Variants in PREX2 observed in about 807,000 individuals in gnomAD.
PREX2 encodes phosphatidylinositol-3,4,5-trisphosphate dependent Rac exchange factor 2.
A neutral mutation model predicts 203.2 loss-of-function variants in PREX2; 107 were observed. The ratio of observed to expected loss-of-function variants is 0.53; its 90% CI spans 0.45 to 0.62. The LOEUF (loss-of-function observed/expected upper bound fraction) is 0.62, where lower values mean the gene tolerates loss of function less well. PREX2 is among the 20% of genes least tolerant of loss of function. The probability of loss-of-function intolerance (pLI) is 0.00; values close to 1 mark genes in which losing one functional copy is unlikely to be tolerated. For missense variants in PREX2, 1,777 were observed against 1,955.9 expected, an observed-to-expected ratio of 0.91 and a Z score of 1.72; for synonymous variants, 672 against 663.6, an observed-to-expected ratio of 1.01 and a Z score of -0.19.
Position 68,121,031 on chromosome 8 carries a change from A to G in PREX2, c.3706A>G (p.Ile1236Val), listed in dbSNP as rs1266619068. The G allele has an allele frequency of 1.2e-6, 2 of 1,613,204 alleles. No individual in the cohort carries two copies. The highest frequency in any genetic ancestry group is 1.7e-6 in the Non-Finnish European group (2 of 1,179,630). Residue 1236 changes from isoleucine to valine, a missense_variant, in exon 30 of 40, where the codon ATC becomes GTC. Coordinates refer to ENST00000288368, the MANE Select transcript of PREX2 (RefSeq NM_024870.4). ...CAGCGTCCGGACTCTTGCTCAGAAC[A>G]TCAGGAAATTTGTTGAAGGTCAGCA... is the stretch of plus-strand genomic sequence containing the variant. ...PSSVRTLAQN[I>V]RKFVEEVKCR...
At chr8:67,999,937 CAAT>C (rs1806889975) in intron 1 of PREX2, among the ~76,000 whole-genome samples, 2 of 152,184 alleles carry the variant, frequency 1.3e-5, no homozygotes, top group African/African-American at 4.8e-5. Context: ...AAAAAACTCT[CAAT>C]AAACTAAGTA....
intron 19 of PREX2, among the ~76,000 whole-genome samples, chr8:68,089,892 TAAC>T (rs1397536108): frequency 2.0e-5 from 3 of 152,208 alleles, no homozygotes; most frequent in African/African-American, 7.2e-5. Context: ...CACTATCAAA[TAAC>T]AATAATTGGA....
intron 15 of PREX2, 144 bp from the exon 16 acceptor site, chr8:68,080,298 CG>C (rs973068329): frequency 3.5e-6 from 2 of 575,104 alleles, no homozygotes; most frequent in Non-Finnish European, 5.8e-6. Context: ...AAACAAAACC[CG>C]GGGCTACTTG....
chr8:68,010,662 G>A (rs1224011981), intron 1 of PREX2, among the ~76,000 whole-genome samples: 1 of 152,166 alleles, frequency 6.6e-6, no homozygotes, highest in Non-Finnish European at 1.5e-5. Context: ...TGAGGAAACT[G>A]AGACTTAAAA....
intron 8 of PREX2, among the ~76,000 whole-genome samples, chr8:68,047,097 C>G (rs41534045): frequency 0.082 from 12,457 of 151,864 alleles, 1,573 homozygotes; most frequent in African/African-American, 0.27. Context: ...AGAGAAGGAC[C>G]AAGTGGAGAG....
chr8:67,976,644 CAG>C lies in PREX2; in HGVS notation c.141+24121_141+24122del, dbSNP rs1250603870. Among the ~76,000 whole-genome samples the C allele has an allele frequency of 7.3e-4, 34 of 46,600 alleles. 4 individuals are homozygous for C. The highest frequency in any genetic ancestry group is 1.5e-3 in the African/African-American group (21 of 13,570). The allele number at this position is 46,600 out of a possible 152,430, so 30.6% of individuals were successfully genotyped here. A position where few individuals can be genotyped will look rare whatever the true frequency, so the allele number is the denominator to read the frequency against. ...CAGAGAGAGAGAGACGGGAGAGAGA[CAG>C]AGAGAGAGAGACGGGAGAGAGACAG... is the stretch of plus-strand genomic sequence containing the variant. On this transcript the variant is annotated intron_variant, in intron 1 of 39. Coordinates refer to ENST00000288368, the MANE Select transcript of PREX2 (RefSeq NM_024870.4).
chr8:68,203,857 A>C (rs1812556366), intron 37 of PREX2, among the ~76,000 whole-genome samples: 2 of 152,218 alleles, frequency 1.3e-5, no homozygotes, highest in Admixed American at 1.3e-4. Context: ...TCCAGTGTCA[A>C]AGAACTAGAG....
At chr8:68,155,559 T>G (rs952000664) in intron 34 of PREX2, among the ~76,000 whole-genome samples, 1 of 152,224 alleles carries the variant, frequency 6.6e-6, no homozygotes, top group Non-Finnish European at 1.5e-5. Context: ...TTCTTTCACT[T>G]TAAAGAAATC....
chr8:67,973,548 A>G (rs1329371826), intron 1 of PREX2, among the ~76,000 whole-genome samples: 1 of 152,160 alleles, frequency 6.6e-6, no homozygotes, highest in Non-Finnish European at 1.5e-5. Flanking sequence ...CAATTCAAAC[A>G]TCACCTTTTT....
chr8:68,038,083 T>G, intron 6 of PREX2, 76 bp from the exon 7 acceptor site: 1 of 1,460,572 alleles, frequency 6.8e-7, no homozygotes, highest in South Asian at 1.2e-5. Flanking sequence ...ACAACCATAA[T>G]TGTAAGTCGA....
intron 1 of PREX2, among the ~76,000 whole-genome samples, chr8:67,984,879 CCAGGA>C (rs1474019942): frequency 6.6e-6 from 1 of 152,146 alleles, no homozygotes; most frequent in East Asian, 1.9e-4. Context: ...GAGGAGGAAA[CCAGGA>C]CGGAGAGGGA....
At chr8:68,100,626 G>A (rs1018570267) in intron 23 of PREX2, among the ~76,000 whole-genome samples, 1 of 152,212 alleles carries the variant, frequency 6.6e-6, no homozygotes, top group Admixed American at 6.5e-5. Context: ...CAGAAAGAAG[G>A]CCAGGGTGGC....
rs75276095 is a variant in PREX2, at chr8:67,975,272, G to GTTTTTTTTTTTTTTTTT, written c.141+22748_141+22764dup. On this transcript the variant is annotated intron_variant, in intron 1 of 39. Coordinates refer to ENST00000288368, the MANE Select transcript of PREX2 (RefSeq NM_024870.4). ...GGCTGATGTTACCTGCACACGGCCTGTTTTTTTTTTTTTTTTTTTTTTTTT... is the reference window on the plus strand; with the variant it reads ...GGCTGATGTTACCTGCACACGGCCTGTTTTTTTTTTTTTTTTTTTTTTTTTTTTTTTTTTTTTTTTTT... Among the ~76,000 whole-genome samples, 5 of 96,822 alleles carry GTTTTTTTTTTTTTTTTT rather than the reference G, an allele frequency of 5.2e-5. 2 individuals carry two copies. The highest frequency in any genetic ancestry group is 8.1e-5 in the Non-Finnish European group (4 of 49,238). 63.5% of individuals were successfully genotyped at this position (96,822 alleles called of 152,430 possible).
At chr8:67,977,797 C>G (rs1204423426) in intron 1 of PREX2, among the ~76,000 whole-genome samples, 1 of 152,158 alleles carries the variant, frequency 6.6e-6, no homozygotes, top group Non-Finnish European at 1.5e-5. Flanking sequence ...TGGGGGGCTT[C>G]TGAATAGCTG....
At chr8:68,103,790 G>T (rs908101489) in intron 23 of PREX2, 10 of 508,962 alleles carry the variant, frequency 2.0e-5, no homozygotes, top group Admixed American at 2.0e-5. Flanking sequence ...GTCCTTTCTT[G>T]TGGGGGCTCC....
In PREX2 at chr8:68,072,540, C is replaced by T. The variant is rs1348994245; in HGVS notation, c.1539C>T (p.Ala513=). ...GGACCTACAAATCTGTGGTCATGGC[C>T]AACAAACTGATAGACTGGTTAATTG... The part of the protein sequence containing the change: ...HLRTYKSVVM[A]NKLIDWLIAQ... Residue 513 remains alanine, a synonymous_variant, in exon 14 of 40, where the codon GCC becomes GCT. Coordinates refer to ENST00000288368, the MANE Select transcript of PREX2 (RefSeq NM_024870.4). 6.3e-7 allele frequency: 1 copy of T among 1,593,916 alleles called. No homozygotes were observed. Among genetic ancestry groups the T allele is most frequent in the East Asian group, 2.2e-5 (1 of 44,582 alleles).
chr8:68,131,027 C>T (rs1413427991), intron 31 of PREX2, among the ~76,000 whole-genome samples: 3 of 152,186 alleles, frequency 2.0e-5, no homozygotes, highest in Non-Finnish European at 2.9e-5. Context: ...CAGTGTACGC[C>T]ATAGGGCATT....
In PREX2 at chr8:68,053,261, T is replaced by C. The variant is rs1394656869; in HGVS notation, c.1093+15T>C. The C allele has an allele frequency of 9.9e-6, 16 of 1,612,656 alleles. No homozygotes were observed. The highest frequency in any genetic ancestry group is 1.3e-5 in the Non-Finnish European group (15 of 1,179,148). On this transcript the variant is annotated intron_variant, in intron 9 of 39. Transcript: ENST00000288368. ...ACGGCGGAAAGGTGGGTGTATGAAT[T>C]GGGCGCTGTTACACTTTGTGAAGAC...
intron 10 of PREX2, among the ~76,000 whole-genome samples, chr8:68,056,512 G>A (rs1011706731): frequency 1.3e-5 from 2 of 152,146 alleles, no homozygotes; most frequent in African/African-American, 4.8e-5. Context: ...AGAACAGAGT[G>A]ACTGAGTGTT....
Sources: allele counts gnomAD v4.1 joint callset (sites outside exome capture counted in the v4.1 genomes callset), GRCh38; gene constraint gnomAD v4.1.1; transcripts MANE v1.5; gene names NCBI Gene and HGNC (gene_info 2026-07-23, HGNC 2026-07-21).